ITCH: variants seen among roughly 807,000 people sequenced by gnomAD.
The protein encoded by ITCH is itchy E3 ubiquitin protein ligase.
In ITCH, 28 loss-of-function variants were observed where a neutral mutation model predicts 126.8. The observed-to-expected ratio is 0.22, with a 90% CI of 0.16 to 0.30. The LOEUF (loss-of-function observed/expected upper bound fraction) is 0.30, where lower values mean the gene tolerates loss of function less well. ITCH is among the 10% of genes least tolerant of loss of function. The pLI, the probability that ITCH is intolerant of heterozygous loss-of-function variation, is 1.00. For synonymous variants in ITCH, 342 were observed against 340.0 expected (o/e 1.01, Z -0.06); for missense variants, 631 against 1,032.4 (o/e 0.61, Z 5.33).
rs551221466 is a variant in ITCH at position 34,379,068 on chromosome 20, C to A, written c.-22+9598C>A. On this transcript the variant is annotated intron_variant, in intron 2 of 24. Transcript: ENST00000374864. ...TCTGTATATATTGAAATGTGCAGAA[C>A]CCTGCTGCTGCTGTTTTTCGTTACC... Among the ~76,000 whole-genome samples, 420 of 152,230 alleles carry A rather than the reference C, an allele frequency of 2.8e-3. 5 individuals are homozygous for A. In the South Asian group the frequency reaches 0.033, roughly 12 times the overall value.
chr20:34,491,926 T>C (rs981883393), intron 22 of ITCH, among the ~76,000 whole-genome samples: 1 of 152,096 alleles, frequency 6.6e-6, no homozygotes, highest in Non-Finnish European at 1.5e-5. Flanking sequence ...AACCAAAAAG[T>C]CTGTACTGAC....
intron 12 of ITCH, among the ~76,000 whole-genome samples, chr20:34,450,586 C>T (rs1985075701): frequency 6.6e-6 from 1 of 151,996 alleles, no homozygotes; most frequent in Admixed American, 6.6e-5. Context: ...ATAAAGATGG[C>T]AGTATAGAAA....
intron 20 of ITCH, among the ~76,000 whole-genome samples, chr20:34,487,614 G>A (rs1600477150): frequency 6.6e-6 from 1 of 152,094 alleles, no homozygotes; most frequent in East Asian, 1.9e-4. Context: ...TAACATCCCT[G>A]TTGACCCAAA....
intron 2 of ITCH, among the ~76,000 whole-genome samples, chr20:34,379,152 G>A (rs2146011649): frequency 6.6e-6 from 1 of 151,912 alleles, no homozygotes; most frequent in East Asian, 1.9e-4. Context: ...TAGCCCTTGG[G>A]GTTTATGTTT....
chr20:34,497,504 A>G (rs922793075), intron 23 of ITCH, among the ~76,000 whole-genome samples: 1 of 152,080 alleles, frequency 6.6e-6, no homozygotes, highest in Non-Finnish European at 1.5e-5. Flanking sequence ...GCTATTCAGG[A>G]TCCTTTGTAG....
chr20:34,442,967 C>A (rs1983952900), intron 10 of ITCH, among the ~76,000 whole-genome samples: 1 of 147,332 alleles, frequency 6.8e-6, no homozygotes, highest in African/African-American at 2.6e-5. Context: ...CAGAGCAAGA[C>A]TCTGTCTCAA....
intron 2 of ITCH, among the ~76,000 whole-genome samples, chr20:34,376,143 A>G (rs960486984): frequency 3.9e-5 from 6 of 152,016 alleles, no homozygotes; most frequent in Admixed American, 2.6e-4. Flanking sequence ...CTGCTTTACA[A>G]CCTCTGATCT....
At position 34,509,649 on chromosome 20, in the gene ITCH, T is replaced by G. The variant is rs188957568; in HGVS notation, c.*1855T>G. On this transcript the variant is annotated 3_prime_UTR_variant, in exon 25 of 25. Transcript: ENST00000374864. ...TGTACCCCAGGAAATACTGTGTGGTTTCTAAAAGCCCTGGTTGTTAAAAGT... is the reference window on the plus strand; with the variant it reads ...TGTACCCCAGGAAATACTGTGTGGTGTCTAAAAGCCCTGGTTGTTAAAAGT... 5.7e-4 allele frequency: 87 copies of G among 152,716 alleles called. No individual in the cohort carries two copies. Among genetic ancestry groups the G allele is most frequent in the African/African-American group, 2.0e-3 (84 of 41,562 alleles). The allele number at this position is 152,716 out of a possible 1,614,324, so 9.5% of individuals were successfully genotyped here. A position where few individuals can be genotyped will look rare whatever the true frequency, so the allele number is the denominator to read the frequency against.
chr20:34,421,574 C>G (rs1444335223), intron 6 of ITCH, among the ~76,000 whole-genome samples: 1 of 151,372 alleles, frequency 6.6e-6, no homozygotes. Context: ...CTTGGACGTT[C>G]ATTGTATAAG....
chr20:34,502,505 G>A (rs553624285), intron 23 of ITCH, among the ~76,000 whole-genome samples: 1 of 152,138 alleles, frequency 6.6e-6, no homozygotes, highest in African/African-American at 2.4e-5. Flanking sequence ...GAGGTCAGGA[G>A]TTCAAGACCA....
At chr20:34,397,993 ATTTT>A (rs570535836) in intron 3 of ITCH, among the ~76,000 whole-genome samples, 1 of 143,118 alleles carries the variant, frequency 7.0e-6, no homozygotes, top group South Asian at 2.2e-4. Flanking sequence ...TCGTTATTGA[ATTTT>A]TTTTTTTTTT....
chr20:34,464,311 TTTC>T (rs1986829948), intron 14 of ITCH, among the ~76,000 whole-genome samples: 1 of 149,422 alleles, frequency 6.7e-6, no homozygotes, highest in Admixed American at 6.6e-5. Context: ...TTTTTTTTTC[TTTC>T]TTTCTTTCTT....
intron 14 of ITCH, 96 bp from the exon 15 acceptor site, chr20:34,469,952 A>G: frequency 1.1e-6 from 1 of 889,112 alleles, no homozygotes; most frequent in Non-Finnish European, 1.9e-6. Flanking sequence ...GAATTTGGTT[A>G]GTAAGTGCTG....
chr20:34,434,581 G>A (rs1326602907), intron 7 of ITCH, among the ~76,000 whole-genome samples: 1 of 152,204 alleles, frequency 6.6e-6, no homozygotes, highest in Non-Finnish European at 1.5e-5. Flanking sequence ...AAGAAGGGGA[G>A]AGAGACTTTT....
At chr20:34,384,864 G>A (rs1216429697) in intron 2 of ITCH, among the ~76,000 whole-genome samples, 5 of 151,270 alleles carry the variant, frequency 3.3e-5, no homozygotes, top group African/African-American at 4.9e-5. Context: ...GGGTTTCACC[G>A]TGTTAGCCAG....
chr20:34,460,048 A>G (rs966344241), intron 13 of ITCH, among the ~76,000 whole-genome samples: 3 of 152,230 alleles, frequency 2.0e-5, no homozygotes, highest in African/African-American at 7.2e-5. Context: ...ACCTAGTTCT[A>G]TCTAATTTAT....
In ITCH at chr20:34,489,802, T is replaced by A; in HGVS notation, c.2215-20T>A. ...TGTACAGTTACCTTAGGAAACAATTTGTCTTTTTCATCCCTAAAGGTCCTT... is the reference window on the plus strand; with the variant it reads ...TGTACAGTTACCTTAGGAAACAATTAGTCTTTTTCATCCCTAAAGGTCCTT... On this transcript the variant is annotated intron_variant, in intron 21 of 24. Transcript: ENST00000374864. The A allele has an allele frequency of 2.0e-6, 3 of 1,533,542 alleles. No individual in the cohort carries two copies. The highest frequency in any genetic ancestry group is 2.7e-6 in the Non-Finnish European group (3 of 1,106,494). 95.0% of individuals were successfully genotyped at this position (1,533,542 alleles called of 1,614,324 possible).
intron 10 of ITCH, among the ~76,000 whole-genome samples, chr20:34,443,397 A>G (rs1179509812): frequency 6.6e-6 from 1 of 151,450 alleles, no homozygotes; most frequent in African/African-American, 2.4e-5. Flanking sequence ...AGTCCCAGCT[A>G]CTCCGGAGGC....
chr20:34,382,580 G>C (rs2038105206), intron 2 of ITCH, among the ~76,000 whole-genome samples: 1 of 151,558 alleles, frequency 6.6e-6, no homozygotes, highest in African/African-American at 2.4e-5. Flanking sequence ...TAATTTTTTT[G>C]TATTTTTAGT....
Sources: gnomAD v4.1 joint callset for allele counts (sites outside exome capture counted in the v4.1 genomes callset) on GRCh38, gnomAD v4.1.1 for gene constraint, MANE v1.5 for transcripts, NCBI Gene and HGNC (gene_info 2026-07-23, HGNC 2026-07-21) for gene names.